Variants in GRB2 observed in about 807,000 individuals in gnomAD.
GRB2 encodes the protein growth factor receptor bound protein 2, also known as growth factor receptor-bound protein 2.
A neutral mutation model predicts 27.4 loss-of-function variants in GRB2; 2 were observed. The observed-to-expected ratio is 0.07, with a 90% confidence interval of 0.03 to 0.23. The LOEUF is 0.23. GRB2 is among the 10% of genes least tolerant of loss of function. The pLI, the probability that GRB2 is intolerant of heterozygous loss-of-function variation, is 1.00. For synonymous variants in GRB2, 94 were observed against 99.6 expected (o/e 0.94, Z 0.33); for missense variants, 102 against 282.4 (o/e 0.36, Z 4.58).
At chr17:75,353,722 T>A (rs2078709198) in intron 2 of GRB2, among the ~76,000 whole-genome samples, 1 of 151,104 alleles carries the variant, frequency 6.6e-6, no homozygotes, top group African/African-American at 2.4e-5. Context: ...ACTGCGCCAC[T>A]GCACTCCAGC....
intron 2 of GRB2, chr17:75,371,761 T>C (rs1054649024): frequency 3.4e-5 from 5 of 148,386 alleles, no homozygotes; most frequent in Non-Finnish European, 6.0e-5. Context: ...GATAGCCCAG[T>C]GGTCAGGGAA....
intron 2 of GRB2, among the ~76,000 whole-genome samples, chr17:75,349,644 C>G (rs2078676966): frequency 1.3e-5 from 2 of 151,858 alleles, no homozygotes; most frequent in South Asian, 4.2e-4. Context: ...ATCAGCCTCC[C>G]AAGTAGCTAG....
At chr17:75,388,095 TTTTTTG>T (rs2078976064) in intron 2 of GRB2, among the ~76,000 whole-genome samples, 1 of 152,094 alleles carries the variant, frequency 6.6e-6, no homozygotes, top group African/African-American at 2.4e-5. Context: ...GCTCCCTTCC[TTTTTTG>T]TTTTTGTTTT....
Position 75,355,155 on chromosome 17 carries a change from C to T in GRB2, c.79-22358G>A, listed in dbSNP as rs758425780. ...TCCCTGTTCCTAGCAAAACAAAATT[C>T]TACGAAGGTGCTGAATCCCATCTCT... is the stretch of plus-strand genomic sequence containing the variant. On this transcript the variant is annotated intron_variant, in intron 2 of 5. Transcript: ENST00000316804. 3.4e-4 allele frequency among the ~76,000 whole-genome samples: 52 copies of T among 152,332 alleles called. 1 individual carries two copies. The Middle Eastern group carries it at 0.017, about 50-fold the overall frequency.
rs1268059209 is a variant in GRB2 at position 75,383,001 on chromosome 17, G to A, written c.78+10550C>T. On this transcript the variant is annotated intron_variant, in intron 2 of 5. Transcript: ENST00000316804. ...TGGGATTACAGGCGTGAGCCACTGC[G>A]CCCAGCCGGCATCCTTAAGATTTTT... 2.0e-5 allele frequency among the ~76,000 whole-genome samples: 3 copies of A among 152,106 alleles called. No homozygotes were observed. The South Asian group carries it at 6.2e-4, about 32-fold the overall frequency.
At chr17:75,387,922 CA>C in intron 2 of GRB2, 1 of 152,234 alleles carries the variant, frequency 6.6e-6, no homozygotes, top group South Asian at 2.1e-4. Context: ...TTTCTCCAAA[CA>C]GGAGGAAGAA....
In GRB2 at chr17:75,318,396, G is replaced by A. The variant is rs1000415754; in HGVS notation, c.*1972C>T. 1 of 152,246 alleles carries A rather than the reference G, an allele frequency of 6.6e-6. No individual in the cohort carries two copies. The highest frequency in any genetic ancestry group is 1.5e-5 in the Non-Finnish European group (1 of 68,056). 9.4% of individuals were successfully genotyped at this position (152,246 alleles called of 1,614,324 possible). On this transcript the variant is annotated 3_prime_UTR_variant, in exon 6 of 6. Coordinates refer to ENST00000316804, the MANE Select transcript of GRB2 (RefSeq NM_002086.5). The stretch of plus-strand genomic sequence containing the variant: ...GCCTCCTGGCACAGCAAACGCTCCA[G>A]GCCTGGGCCCTGTTCATATCTGGAG...
chr17:75,375,807 C>T (rs1477125527), intron 2 of GRB2, among the ~76,000 whole-genome samples: 4 of 150,786 alleles, frequency 2.7e-5, no homozygotes, highest in South Asian at 2.1e-4. Context: ...AGGTGGATCA[C>T]GAGGTCAGGA....
chr17:75,387,871 T>G (rs992857529), intron 2 of GRB2: 1 of 152,006 alleles, frequency 6.6e-6, no homozygotes, highest in African/African-American at 2.4e-5. Context: ...GAGGTGAAAC[T>G]GAAAGATTCT....
chr17:75,395,840 G>GT (rs11344182), intron 1 of GRB2, among the ~76,000 whole-genome samples: 24 of 139,556 alleles, frequency 1.7e-4, no homozygotes, highest in African/African-American at 4.2e-4. Context: ...TACTTTTTGT[G>GT]TTTTTTTTTT....
chr17:75,395,809 A>T (rs1340846182), intron 1 of GRB2, among the ~76,000 whole-genome samples: 1 of 151,200 alleles, frequency 6.6e-6, no homozygotes, highest in African/African-American at 2.4e-5. Context: ...GATAATTTAA[A>T]TAATGCACTA....
chr17:75,330,006 C>T (rs1390578076), intron 3 of GRB2, among the ~76,000 whole-genome samples: 1 of 151,982 alleles, frequency 6.6e-6, no homozygotes, highest in Admixed American at 6.6e-5. Flanking sequence ...CAGAGTCTTG[C>T]TTTGTTGAAT....
chr17:75,389,119 C>T (rs974579714), intron 2 of GRB2, among the ~76,000 whole-genome samples: 4 of 152,276 alleles, frequency 2.6e-5, no homozygotes, highest in African/African-American at 7.2e-5. Flanking sequence ...TCGCTAAAAA[C>T]CTTCCGAGGC....
chr17:75,320,821 A>G lies in GRB2; in HGVS notation c.469-268T>C, dbSNP rs2078453517. On this transcript the variant is annotated intron_variant, in intron 5 of 5. Coordinates refer to ENST00000316804, the MANE Select transcript of GRB2 (RefSeq NM_002086.5). This position sits in a 1 kb window ranked among gnomAD's most constrained non-coding sequence, Gnocchi z 4.3. ...GGCCAACTGTGCCGTATTATCAAGT[A>G]GAGGGCAGGCAGTGCTTGGAGGAGA... Among the ~76,000 whole-genome samples the G allele has an allele frequency of 6.6e-6, 1 of 152,152 alleles. No individual in the cohort carries two copies. Among genetic ancestry groups the G allele is most frequent in the Non-Finnish European group, 1.5e-5 (1 of 68,038 alleles).
intron 2 of GRB2, among the ~76,000 whole-genome samples, chr17:75,375,559 C>T (rs961231882): frequency 6.6e-6 from 1 of 152,142 alleles, no homozygotes; most frequent in Admixed American, 6.6e-5. Flanking sequence ...GTATTAAAAT[C>T]ATACAAAGTA....
chr17:75,363,859 C>CAAAAAAAAAAAAAA (rs55746272), intron 2 of GRB2, among the ~76,000 whole-genome samples: 18 of 58,526 alleles, frequency 3.1e-4, no homozygotes, highest in African/African-American at 6.2e-4. Flanking sequence ...GACTCCGTCT[C>CAAAAAAAAAAAAAA]AAAAAAAAAA....
In GRB2 at chr17:75,352,874, GTTT is replaced by G. The variant is rs374164944; in HGVS notation, c.79-20080_79-20078del. 4.7e-5 allele frequency among the ~76,000 whole-genome samples: 7 copies of G among 147,512 alleles called. No homozygotes were observed. In the South Asian group the frequency reaches 1.3e-3, roughly 27 times the overall value. ...GTTCTCTGGGAGAAAAAGTTAACTT[GTTT>G]TTTTTTTTTTTTTAAAAGACATAGT... is the stretch of plus-strand genomic sequence containing the variant. On this transcript the variant is annotated intron_variant, in intron 2 of 5. Coordinates refer to ENST00000316804, the MANE Select transcript of GRB2 (RefSeq NM_002086.5).
At chr17:75,341,447 TAAA>T (rs61039194) in intron 2 of GRB2, among the ~76,000 whole-genome samples, 3,896 of 110,190 alleles carry the variant, frequency 0.035, 77 homozygotes, top group African/African-American at 0.056. Flanking sequence ...GTGACTCCAT[TAAA>T]AAAAAAAAAA....
chr17:75,332,959 A>G (rs1159879811), intron 2 of GRB2, among the ~76,000 whole-genome samples, 162 bp from the exon 3 acceptor site: 1 of 152,248 alleles, frequency 6.6e-6, no homozygotes, highest in East Asian at 1.9e-4. Flanking sequence ...AACAACCAGC[A>G]TTATGTTAAA....
Sources: allele counts gnomAD v4.1 joint callset (sites outside exome capture counted in the v4.1 genomes callset), GRCh38; gene constraint gnomAD v4.1.1; non-coding constraint Gnocchi (gnomAD v3.1); transcripts MANE v1.5; gene names NCBI Gene and HGNC (gene_info 2026-07-23, HGNC 2026-07-21).